SNED1: variants seen among roughly 807,000 people sequenced by gnomAD.
The protein encoded by SNED1 is sushi, nidogen and EGF-like domain-containing protein 1.
In SNED1, 81 loss-of-function variants were observed where a neutral mutation model predicts 166.7. That is an observed-to-expected ratio of 0.49 (90% CI 0.41 to 0.58). SNED1 has a LOEUF of 0.58. Ranked by LOEUF, SNED1 falls within the 20% of genes least tolerant of loss-of-function variation. The probability of loss-of-function intolerance (pLI) is 0.00; values close to 1 mark genes in which losing one functional copy is unlikely to be tolerated. For missense variants in SNED1, 1,604 were observed against 2,000.2 expected (o/e 0.80, Z 3.78); for synonymous variants, 762 against 822.0 (o/e 0.93, Z 1.25).
At position 241,065,445 on chromosome 2, in the gene SNED1, C is replaced by G; in HGVS notation, c.2860C>G (p.Arg954Gly). ...TYVSSDGSYR[R>G]TDFVDRTRSS... ...CGTCTCCTCCGACGGCTCCTACCGC[C>G]GCACAGACTTTGTGGACAGGACCCG... is the stretch of plus-strand genomic sequence containing the variant. The change falls in exon 21 of 32, where the codon CGC becomes GGC. Residue 954 changes from arginine to glycine, a missense_variant. Around this residue, in one of 2 missense-constraint regions of SNED1, gnomAD observed 1,237 missense variants for 1,620.8 expected, o/e 0.76. Coordinates refer to ENST00000310397, the MANE Select transcript of SNED1 (RefSeq NM_001080437.3). 2.5e-6 allele frequency: 4 copies of G among 1,613,078 alleles called. No individual in the cohort carries two copies. The highest frequency in any genetic ancestry group is 3.4e-6 in the Non-Finnish European group (4 of 1,179,844).
Position 241,094,104 on chromosome 2 carries a change from A to G in SNED1, c.*2468A>G. 1 of 350,928 alleles carries G rather than the reference A, an allele frequency of 2.8e-6. No homozygotes were observed. Among genetic ancestry groups the G allele is most frequent in the East Asian group, 7.8e-5 (1 of 12,750 alleles). The allele number at this position is 350,928 out of a possible 1,614,324, so 21.7% of individuals were successfully genotyped here. On this transcript the variant is annotated 3_prime_UTR_variant, in exon 32 of 32. Coordinates refer to ENST00000310397, the MANE Select transcript of SNED1 (RefSeq NM_001080437.3). The surrounding 1 kb of genome is among the most constrained non-coding windows in gnomAD (Gnocchi z 4.3). ...AAAATGAAAACACTGGCACAGTGAA[A>G]TGTCTCATTTCCAAACAGTTTTGCC...
intron 16 of SNED1, among the ~76,000 whole-genome samples, chr2:241,054,176 C>T (rs1054314817): frequency 6.6e-6 from 1 of 152,198 alleles, no homozygotes; most frequent in African/African-American, 2.4e-5. Context: ...ATGACCCCCC[C>T]TCCCAATGCT....
At chr2:241,079,476 A>G (rs2063219981) in intron 27 of SNED1, among the ~76,000 whole-genome samples, 1 of 152,130 alleles carries the variant, frequency 6.6e-6, no homozygotes, top group Non-Finnish European at 1.5e-5. Context: ...TGTGTAGGAA[A>G]ATGGAGAAGG....
chr2:241,005,563 A>G (rs1220163522), intron 1 of SNED1, among the ~76,000 whole-genome samples: 2 of 152,030 alleles, frequency 1.3e-5, no homozygotes, highest in African/African-American at 2.4e-5. Flanking sequence ...AATATTTCTT[A>G]TAGTGTAGAC....
intron 31 of SNED1, chr2:241,089,962 A>C: frequency 6.5e-7 from 1 of 1,545,486 alleles, no homozygotes; most frequent in East Asian, 2.4e-5. Flanking sequence ...TAGATATAAA[A>C]GATAAAAAAT....
Position 241,064,271 on chromosome 2 carries a change from TCTC to T in SNED1, c.2599+147_2599+149del. The T allele has an allele frequency of 1.6e-6, 1 of 610,046 alleles. No individual in the cohort carries two copies. The highest frequency in any genetic ancestry group is 3.2e-5 in the Admixed American group (1 of 31,138). 37.8% of individuals were successfully genotyped at this position (610,046 alleles called of 1,614,324 possible). ...CTGCCCGCCGCCTTGGAAGTCCCCT[TCTC>T]AGGCCAGTGGCCCTCCGCCTGTCTC... On this transcript the variant is annotated intron_variant, in intron 19 of 31. Coordinates refer to ENST00000310397, the MANE Select transcript of SNED1 (RefSeq NM_001080437.3). This position sits in a 1 kb window ranked among gnomAD's most constrained non-coding sequence, Gnocchi z 7.0.
At chr2:241,053,111 G>A (rs1006046928) in intron 15 of SNED1, 42 bp from the exon 16 acceptor site, 2 of 1,573,748 alleles carry the variant, frequency 1.3e-6, no homozygotes, top group South Asian at 1.1e-5. Flanking sequence ...GAGGGGCCAG[G>A]AAGGCACAGG....
At position 241,064,019 on chromosome 2, in the gene SNED1, C is replaced by A; in HGVS notation, c.2493C>A (p.Asp831Glu). The A allele has an allele frequency of 6.4e-7, 1 of 1,553,138 alleles. No individual in the cohort carries two copies. The highest frequency in any genetic ancestry group is 8.7e-7 in the Non-Finnish European group (1 of 1,148,628). Reference sequence around the variant, plus strand: ...TCTCTGGGTGTTCTCCAGAGGTGGACGCCTGCGACTCCAGCCCCTGCCAGC... The same window carrying A: ...TCTCTGGGTGTTCTCCAGAGGTGGAAGCCTGCGACTCCAGCCCCTGCCAGC... ...FVGVHCETEV[D>E]ACDSSPCQHG... Residue 831 changes from aspartate to glutamate, a missense_variant, in exon 19 of 32, where the codon GAC (aspartate) becomes GAA (glutamate). Physicochemically the swap from Asp to Glu is conservative, Grantham distance 45. This residue lies in a region of SNED1 where 1,237 missense variants were observed against 1,620.8 expected (regional missense o/e 0.76). Coordinates refer to ENST00000310397, the MANE Select transcript of SNED1 (RefSeq NM_001080437.3). The surrounding 1 kb of genome is among the most constrained non-coding windows in gnomAD (Gnocchi z 7.0).
In SNED1 at chr2:241,052,413, C is replaced by A; in HGVS notation, c.2028C>A (p.Asp676Glu). The change falls in exon 15 of 32, where the codon GAC (aspartate) becomes GAA (glutamate). Residue 676 changes from aspartate (D) to glutamate (E), a missense_variant. By Grantham distance (45) the Asp-to-Glu change is conservative (BLOSUM62 2). Transcript: ENST00000310397. ...CVNGGTCEDR[D>E]TDFFCHCQAG... Reference sequence around the variant, plus strand: ...ATGGGGGCACCTGCGAGGACCGGGACACGGATTTCTTCTGCCACTGCCAAG... The same window carrying A: ...ATGGGGGCACCTGCGAGGACCGGGAAACGGATTTCTTCTGCCACTGCCAAG... 1 of 1,605,514 alleles carries A rather than the reference C, an allele frequency of 6.2e-7. No individual in the cohort carries two copies. The highest frequency in any genetic ancestry group is 1.1e-5 in the South Asian group (1 of 89,354).
At chr2:241,060,631 C>T (rs2062201329) in intron 16 of SNED1, among the ~76,000 whole-genome samples, 1 of 131,942 alleles carries the variant, frequency 7.6e-6, no homozygotes, top group South Asian at 2.5e-4. Context: ...GATTAAAGAC[C>T]TAAATGTTTC....
rs770314247 is a variant in SNED1, at chr2:241,070,021, G to C, written c.3409G>C (p.Val1137Leu). ...TCCAGGCAGCTTGCTGGAGGCTTATGTCATCAATGTGACCACCAGCCAGAG... is the reference window on the plus strand; with the variant it reads ...TCCAGGCAGCTTGCTGGAGGCTTATCTCATCAATGTGACCACCAGCCAGAG... ...PTPGSLLEAYVINVTTSQSTK... is the reference protein window; with the variant it reads ...PTPGSLLEAYLINVTTSQSTK... The change falls in exon 24 of 32, where the codon GTC becomes CTC. Residue 1137 changes from valine (V) to leucine (L), a missense_variant. Val to Leu is a conservative substitution (Grantham distance 32, BLOSUM62 1). Coordinates refer to ENST00000310397, the MANE Select transcript of SNED1 (RefSeq NM_001080437.3). The C allele has an allele frequency of 6.2e-7, 1 of 1,613,020 alleles. No homozygotes were observed. The highest frequency in any genetic ancestry group is 8.5e-7 in the Non-Finnish European group (1 of 1,179,898).
At chr2:241,089,375 T>C in intron 31 of SNED1, 1 of 1,550,462 alleles carries the variant, frequency 6.4e-7, no homozygotes, top group South Asian at 1.2e-5. Context: ...CCTAAAAAAA[T>C]AAAGGAGAAA....
rs142583338 is a variant in SNED1, at chr2:240,999,605, C to T, written c.213+555C>T. Among the ~76,000 whole-genome samples the T allele has an allele frequency of 7.9e-5, 12 of 152,320 alleles. No individual in the cohort carries two copies. The highest frequency in any genetic ancestry group is 2.6e-4 in the African/African-American group (11 of 41,584). Reference sequence around the variant, plus strand: ...CCTAGGCGGGCTAGCAACAGGCTTGCCCCTCCCTGCCGTCCTCTCCGCAGT... The same window carrying T: ...CCTAGGCGGGCTAGCAACAGGCTTGTCCCTCCCTGCCGTCCTCTCCGCAGT... On this transcript the variant is annotated intron_variant, in intron 1 of 31. Transcript: ENST00000310397. This position sits in a 1 kb window ranked among gnomAD's most constrained non-coding sequence, Gnocchi z 5.8.
intron 1 of SNED1, among the ~76,000 whole-genome samples, chr2:241,019,475 AC>A (rs763771289): frequency 2.0e-5 from 3 of 152,074 alleles, no homozygotes; most frequent in Non-Finnish European, 4.4e-5. Flanking sequence ...CGGAGACCCC[AC>A]TGGTGGTCCT....
Position 241,069,910 on chromosome 2 carries a change from C to T in SNED1, c.3308-10C>T, listed in dbSNP as rs1238833560. The T allele has an allele frequency of 2.5e-6, 4 of 1,609,854 alleles. No homozygotes were observed. In the African/African-American group the frequency reaches 5.3e-5, roughly 21 times the overall value. On this transcript the variant is annotated splice_polypyrimidine_tract_variant and intron_variant, in intron 23 of 31. Transcript: ENST00000310397. This position sits in a 1 kb window ranked among gnomAD's most constrained non-coding sequence, Gnocchi z 4.9. ...ACCCCCTCACCTCTCCCTGCTCCTG[C>T]CTCATCCAGGGCCCCTGCCTCCAGC...
chr2:241,071,775 A>T (rs2062734638), intron 25 of SNED1, 21 bp from the exon 26 acceptor site: 2 of 1,412,056 alleles, frequency 1.4e-6, no homozygotes, highest in Non-Finnish European at 1.9e-6. Context: ...GACTGTGGTG[A>T]CCCTCCCACC....
chr2:241,018,129 G>A lies in SNED1; in HGVS notation c.214-12155G>A, dbSNP rs930547112. ...ACCCGAGTAGCTCTGTCTGAGAACC[G>A]CCATTCGCCTTGCCGTGGTCCCTGC... On this transcript the variant is annotated intron_variant, in intron 1 of 31. Coordinates refer to ENST00000310397, the MANE Select transcript of SNED1 (RefSeq NM_001080437.3). The surrounding 1 kb of genome is among the most constrained non-coding windows in gnomAD (Gnocchi z 5.4). 6.6e-6 allele frequency among the ~76,000 whole-genome samples: 1 copy of A among 152,172 alleles called. No individual in the cohort carries two copies. The highest frequency in any genetic ancestry group is 6.5e-5 in the Admixed American group (1 of 15,274).
At chr2:241,020,737 T>C (rs1158371531) in intron 1 of SNED1, among the ~76,000 whole-genome samples, 1 of 152,140 alleles carries the variant, frequency 6.6e-6, no homozygotes, top group East Asian at 1.9e-4. Context: ...GGGGGTGCAG[T>C]GGAGTACTGC....
At chr2:241,082,416 T>A in intron 29 of SNED1, 52 bp downstream of exon 29, 1 of 1,407,258 alleles carries the variant, frequency 7.1e-7, no homozygotes, top group Non-Finnish European at 1.0e-6. Flanking sequence ...TGTTCTTGAC[T>A]CCTCAAAGTG....
Sources: allele counts gnomAD v4.1 joint callset (sites outside exome capture counted in the v4.1 genomes callset), GRCh38; gene constraint gnomAD v4.1.1; regional missense constraint gnomAD v4.1.1; non-coding constraint Gnocchi (gnomAD v3.1); transcripts MANE v1.5; gene names NCBI Gene and HGNC (gene_info 2026-07-23, HGNC 2026-07-21).